The following RAP1GDS1 variants were observed in gnomAD, a reference collection of about 807,000 sequenced individuals.
RAP1GDS1 encodes the protein RAP1, GTP-GDP dissociation stimulator 1.
In RAP1GDS1, 35 loss-of-function variants were observed where a neutral mutation model predicts 71.1. The ratio of observed to expected loss-of-function variants is 0.49; its 90% CI spans 0.38 to 0.65. The LOEUF is 0.65. Among genes scored for constraint, RAP1GDS1 ranks in the 30% least tolerant of loss-of-function variants. The pLI, the probability that RAP1GDS1 is intolerant of heterozygous loss-of-function variation, is 0.00. For missense variants in RAP1GDS1, 663 were observed against 706.1 expected (o/e 0.94, Z 0.69); for synonymous variants, 229 against 243.1 (o/e 0.94, Z 0.54).
At chr4:98,432,343 C>G (rs916622098) in intron 12 of RAP1GDS1, among the ~76,000 whole-genome samples, 3 of 152,168 alleles carry the variant, frequency 2.0e-5, no homozygotes, top group African/African-American at 4.8e-5. Flanking sequence ...GCATATGTAT[C>G]TGTTCATCTC....
At chr4:98,374,525 T>G (rs1029713487) in intron 4 of RAP1GDS1, among the ~76,000 whole-genome samples, 1 of 152,196 alleles carries the variant, frequency 6.6e-6, no homozygotes, top group Non-Finnish European at 1.5e-5. Flanking sequence ...AATTTTTTTC[T>G]TAAAATGCAT....
At chr4:98,387,363 A>C in intron 5 of RAP1GDS1, 1 of 450,474 alleles carries the variant, frequency 2.2e-6, no homozygotes, top group East Asian at 7.0e-5. Flanking sequence ...TAATCTAGTT[A>C]TACCAATGTT....
chr4:98,440,597 T>C (rs1346694538), intron 14 of RAP1GDS1, among the ~76,000 whole-genome samples: 4 of 152,218 alleles, frequency 2.6e-5, no homozygotes, highest in Admixed American at 6.5e-5. Flanking sequence ...TAATGATTAC[T>C]GATGGGAATC....
chr4:98,367,776 T>TC (rs1739729802), intron 4 of RAP1GDS1, among the ~76,000 whole-genome samples: 1 of 152,220 alleles, frequency 6.6e-6, no homozygotes, highest in Non-Finnish European at 1.5e-5. Flanking sequence ...GGCCAGTGCC[T>TC]CCCATTTGGA....
At chr4:98,432,155 A>G (rs1368760508) in intron 12 of RAP1GDS1, among the ~76,000 whole-genome samples, 1 of 152,192 alleles carries the variant, frequency 6.6e-6, no homozygotes, top group Non-Finnish European at 1.5e-5. Context: ...GGACTCAGGT[A>G]TCTGTTCCGG....
intron 1 of RAP1GDS1, among the ~76,000 whole-genome samples, chr4:98,271,274 A>G (rs1183926764): frequency 6.6e-6 from 1 of 152,204 alleles, no homozygotes; most frequent in South Asian, 2.1e-4. Context: ...ATTAGTAGAC[A>G]TCTCTACTAA....
intron 2 of RAP1GDS1, among the ~76,000 whole-genome samples, chr4:98,312,839 G>A (rs1272412081): frequency 4.0e-5 from 6 of 151,898 alleles, no homozygotes; most frequent in Non-Finnish European, 8.8e-5. Context: ...GGAGGCTGAG[G>A]CGGGTGGATC....
intron 12 of RAP1GDS1, among the ~76,000 whole-genome samples, chr4:98,425,336 G>C (rs1230353933): frequency 6.6e-6 from 1 of 151,968 alleles, no homozygotes; most frequent in Non-Finnish European, 1.5e-5. Flanking sequence ...AAAAAAAAGT[G>C]GGGGGTATAC....
intron 1 of RAP1GDS1, among the ~76,000 whole-genome samples, chr4:98,285,147 C>A (rs910009950): frequency 2.6e-5 from 4 of 152,094 alleles, no homozygotes; most frequent in African/African-American, 9.7e-5. Flanking sequence ...TGAAAAGATA[C>A]ATTTCCTCAG....
intron 13 of RAP1GDS1, among the ~76,000 whole-genome samples, chr4:98,436,100 C>T (rs1053607656): frequency 1.3e-5 from 2 of 150,168 alleles, no homozygotes; most frequent in Non-Finnish European, 2.9e-5. Context: ...ATATATATAT[C>T]GGTATAAGGT....
intron 7 of RAP1GDS1, among the ~76,000 whole-genome samples, chr4:98,411,422 C>T (rs981243230): frequency 2.0e-5 from 3 of 151,914 alleles, no homozygotes; most frequent in African/African-American, 4.8e-5. Flanking sequence ...CAAGACCAAC[C>T]TGGGCAACAC....
chr4:98,277,715 G>C (rs1200837240), intron 1 of RAP1GDS1, among the ~76,000 whole-genome samples: 1 of 151,796 alleles, frequency 6.6e-6, no homozygotes, highest in Non-Finnish European at 1.5e-5. Context: ...ATTTCTTTTT[G>C]GCATTTGGTA....
chr4:98,442,249 G>A lies in RAP1GDS1; in HGVS notation c.*132G>A, dbSNP rs77609098. 100,649 of 1,242,176 alleles carry A rather than the reference G, an allele frequency of 0.081. 4,670 individuals are homozygous for A. Among genetic ancestry groups the A allele is most frequent in the Non-Finnish European group, 0.094 (86,204 of 921,382 alleles). 76.9% of individuals were successfully genotyped at this position (1,242,176 alleles called of 1,614,324 possible). ...ATGTTCTAATACCAATTGAAGAACC[G>A]CTGTAGGTACCTCCCTAATAAGATT... On this transcript the variant is annotated 3_prime_UTR_variant, in exon 15 of 15. Transcript: ENST00000408927.
At chr4:98,400,149 T>A (rs1388880269) in intron 6 of RAP1GDS1, among the ~76,000 whole-genome samples, 1 of 150,462 alleles carries the variant, frequency 6.6e-6, no homozygotes, top group Admixed American at 6.7e-5. Flanking sequence ...AGAGCAAGAC[T>A]CCATCTCAGT....
In RAP1GDS1 at chr4:98,436,953, A is replaced by G; in HGVS notation, c.1581A>G (p.Lys527=). The change falls in exon 14 of 15, where the codon AAA becomes AAG. Residue 527 remains lysine, a synonymous_variant. Transcript: ENST00000408927. ...IAALELGTAE[K]DLESAKLVQI... Reference sequence around the variant, plus strand: ...TTTTATTTGTAGGCACTGCTGAGAAAGATCTAGAAAGTGCTAAACTTGTAC... The same window carrying G: ...TTTTATTTGTAGGCACTGCTGAGAAGGATCTAGAAAGTGCTAAACTTGTAC... 1 of 1,605,030 alleles carries G rather than the reference A, an allele frequency of 6.2e-7. No homozygotes were observed. The highest frequency in any genetic ancestry group is 8.5e-7 in the Non-Finnish European group (1 of 1,177,500).
intron 2 of RAP1GDS1, among the ~76,000 whole-genome samples, chr4:98,294,103 C>A (rs1030338759): frequency 2.2e-4 from 34 of 151,970 alleles, no homozygotes; most frequent in African/African-American, 8.2e-4. Context: ...TCTTCATTGA[C>A]CATTGTGTTG....
At chr4:98,429,967 G>A (rs1750162691) in intron 12 of RAP1GDS1, among the ~76,000 whole-genome samples, 1 of 151,940 alleles carries the variant, frequency 6.6e-6, no homozygotes. Flanking sequence ...ATACATCCCA[G>A]CTTCTTAGAA....
At chr4:98,331,499 CA>C (rs1734017167) in intron 2 of RAP1GDS1, among the ~76,000 whole-genome samples, 1 of 152,072 alleles carries the variant, frequency 6.6e-6, no homozygotes, top group African/African-American at 2.4e-5. Flanking sequence ...CAACAATTGA[CA>C]AGAAAATTTA....
chr4:98,305,167 A>T (rs1052203400), intron 2 of RAP1GDS1, among the ~76,000 whole-genome samples: 2 of 152,102 alleles, frequency 1.3e-5, no homozygotes, highest in Non-Finnish European at 2.9e-5. Context: ...TTTTGATTCC[A>T]TATGAATTTT....
Sources: allele counts gnomAD v4.1 joint callset (sites outside exome capture counted in the v4.1 genomes callset), GRCh38; gene constraint gnomAD v4.1.1; transcripts MANE v1.5; gene names NCBI Gene and HGNC (gene_info 2026-07-23, HGNC 2026-07-21).